The following FNIP2 variants were observed in gnomAD, a reference collection of about 807,000 sequenced individuals.
FNIP2 encodes folliculin-interacting protein 2.
FNIP2 carries 32 observed loss-of-function variants against 108.7 expected under a neutral mutation model. The ratio of observed to expected loss-of-function variants is 0.29; its 90% CI spans 0.22 to 0.40. The LOEUF is 0.40. FNIP2 is among the 10% of genes least tolerant of loss of function. FNIP2 has a pLI of 1.00. For synonymous variants in FNIP2, 480 were observed against 496.7 expected, an observed-to-expected ratio of 0.97 and a Z score of 0.45; for missense variants, 1,202 against 1,381.6, an observed-to-expected ratio of 0.87 and a Z score of 2.06.
intron 15 of FNIP2, among the ~76,000 whole-genome samples, chr4:158,894,517 T>C (rs889146925): frequency 6.6e-6 from 1 of 152,176 alleles, no homozygotes; most frequent in Non-Finnish European, 1.5e-5. Flanking sequence ...ATATATTTCA[T>C]ATAGACCACA....
At chr4:158,806,457 A>G (rs966810277) in intron 1 of FNIP2, 1 of 1,259,024 alleles carries the variant, frequency 7.9e-7, no homozygotes. Flanking sequence ...AGTCTCAGAT[A>G]ATTTTTTATT....
In FNIP2 at chr4:158,870,296, G is replaced by A. The variant is rs929335814; in HGVS notation, c.2793-17G>A. The A allele has an allele frequency of 7.5e-6, 12 of 1,609,524 alleles. 1 individual carries two copies. The South Asian group carries it at 7.7e-5, about 10-fold the overall frequency. On this transcript the variant is annotated splice_polypyrimidine_tract_variant and intron_variant, in intron 13 of 16. Transcript: ENST00000264433. Reference sequence around the variant, plus strand: ...CATTTTTAGCTGTGCATTTTAATGGGCCACATGTTGTTTTAGGTCTCAGAG... The same window carrying A: ...CATTTTTAGCTGTGCATTTTAATGGACCACATGTTGTTTTAGGTCTCAGAG...
intron 6 of FNIP2, 126 bp from the exon 7 acceptor site, chr4:158,835,279 A>G (rs1248236850): frequency 6.2e-6 from 4 of 648,108 alleles, no homozygotes; most frequent in Admixed American, 2.4e-5. Context: ...GTTAATCTCT[A>G]TTAAAAGCTT....
chr4:158,837,391 T>G (rs1462326451), intron 7 of FNIP2, among the ~76,000 whole-genome samples: 1 of 152,198 alleles, frequency 6.6e-6, no homozygotes, highest in East Asian at 1.9e-4. Context: ...ATTTATTTGT[T>G]TATGCCCCTT....
rs1423087940 is a variant in FNIP2, at chr4:158,823,458, G to GT, written c.108-2455dup. Among the ~76,000 whole-genome samples the GT allele has an allele frequency of 1.2e-4, 18 of 152,254 alleles. No individual in the cohort carries two copies. In the East Asian group the frequency reaches 3.3e-3, roughly 28 times the overall value. ...TTTTTGTATTTTTAGTAGAGATGGG[G>GT]TTTCACCGTGTTGGCCATGGTTGGC... On this transcript the variant is annotated intron_variant, in intron 1 of 16. Transcript: ENST00000264433.
chr4:158,899,158 T>C (rs1782970814), intron 16 of FNIP2, among the ~76,000 whole-genome samples: 1 of 152,198 alleles, frequency 6.6e-6, no homozygotes, highest in Non-Finnish European at 1.5e-5. Flanking sequence ...CTTTATTGAT[T>C]TGTGTATGTT....
intron 1 of FNIP2, among the ~76,000 whole-genome samples, chr4:158,802,791 G>T (rs1776805043): frequency 6.6e-6 from 1 of 152,170 alleles, no homozygotes; most frequent in Non-Finnish European, 1.5e-5. Context: ...ATTGTTTAGA[G>T]ATTTTGGCCA....
At chr4:158,796,550 A>T (rs1776597255) in intron 1 of FNIP2, among the ~76,000 whole-genome samples, 1 of 152,160 alleles carries the variant, frequency 6.6e-6, no homozygotes, top group Non-Finnish European at 1.5e-5. Flanking sequence ...ATTATTTGCC[A>T]GGTATCATTG....
intron 7 of FNIP2, 83 bp downstream of exon 7, chr4:158,835,559 A>T: frequency 8.1e-7 from 1 of 1,228,602 alleles, no homozygotes; most frequent in Non-Finnish European, 1.2e-6. Context: ...GAAGACAGGT[A>T]GATAACCCTC....
intron 7 of FNIP2, among the ~76,000 whole-genome samples, chr4:158,843,145 C>T (rs56324913): frequency 6.6e-6 from 1 of 152,024 alleles, no homozygotes; most frequent in Non-Finnish European, 1.5e-5. Context: ...ATGTAATACC[C>T]CCTGCGTCAA....
At position 158,832,158 on chromosome 4, in the gene FNIP2, T is replaced by C. The variant is rs1354071206; in HGVS notation, c.554+20T>C. Reference sequence around the variant, plus strand: ...AAATAAGTAAGTGTAGGATTTTGCATTCCCCACCCCCATTTTTTAAAGTGT... The same window carrying C: ...AAATAAGTAAGTGTAGGATTTTGCACTCCCCACCCCCATTTTTTAAAGTGT... On this transcript the variant is annotated intron_variant, in intron 5 of 16. Transcript: ENST00000264433. The C allele has an allele frequency of 1.3e-6, 2 of 1,589,232 alleles. No homozygotes were observed. Among genetic ancestry groups the C allele is most frequent in the Non-Finnish European group, 1.7e-6 (2 of 1,158,728 alleles).
intron 1 of FNIP2, among the ~76,000 whole-genome samples, chr4:158,824,448 C>T (rs572226739): frequency 1.3e-5 from 2 of 152,294 alleles, no homozygotes; most frequent in African/African-American, 2.4e-5. Flanking sequence ...AGCAAGGCCC[C>T]CTTTCACCTC....
intron 3 of FNIP2, 22 bp downstream of exon 3, chr4:158,829,247 G>A (rs369835873): frequency 5.7e-6 from 9 of 1,577,786 alleles, no homozygotes; most frequent in East Asian, 4.6e-5. Context: ...CCTTCTGTGG[G>A]AATAGCCCCT....
intron 16 of FNIP2, among the ~76,000 whole-genome samples, chr4:158,902,716 C>T (rs1056232434): frequency 2.6e-5 from 4 of 152,244 alleles, no homozygotes; most frequent in Admixed American, 6.5e-5. Flanking sequence ...CAGTCTGGCC[C>T]CAGTGGCCTT....
Position 158,795,792 on chromosome 4 carries a change from C to G in FNIP2, c.107+26473C>G, listed in dbSNP as rs540041267. On this transcript the variant is annotated intron_variant, in intron 1 of 16. Coordinates refer to ENST00000264433, the MANE Select transcript of FNIP2 (RefSeq NM_020840.3). ...GCGGCATTAGATTCTCACAGGAGCA[C>G]GAACCCTATCGTGAACTGCGCATGC... 3.3e-5 allele frequency: 5 copies of G among 152,392 alleles called. No homozygotes were observed. The East Asian group carries it at 7.7e-4, about 23-fold the overall frequency. 9.4% of individuals were successfully genotyped at this position (152,392 alleles called of 1,614,324 possible). A position where few individuals can be genotyped will look rare whatever the true frequency, so the allele number is the denominator to read the frequency against.
chr4:158,894,535 T>C (rs1782514642), intron 15 of FNIP2, among the ~76,000 whole-genome samples: 3 of 152,206 alleles, frequency 2.0e-5, no homozygotes, highest in African/African-American at 7.2e-5. Context: ...ACAGTTCTTA[T>C]TTCCACACTG....
chr4:158,795,691 G>A (rs942413383), intron 1 of FNIP2, among the ~76,000 whole-genome samples: 1 of 152,174 alleles, frequency 6.6e-6, no homozygotes, highest in Admixed American at 6.5e-5. Context: ...GCAAGGGAGC[G>A]AAGCTTCATC....
chr4:158,877,635 G>A (rs556553646), intron 14 of FNIP2, among the ~76,000 whole-genome samples: 7 of 152,334 alleles, frequency 4.6e-5, no homozygotes, highest in African/African-American at 1.4e-4. Context: ...TCAGGTGGTC[G>A]AGATAACTCG....
chr4:158,826,423 T>C (rs1438414370), intron 2 of FNIP2, among the ~76,000 whole-genome samples: 1 of 152,226 alleles, frequency 6.6e-6, no homozygotes, highest in Non-Finnish European at 1.5e-5. Flanking sequence ...AGTGTGAAGA[T>C]CATTCTGTCC....
Sources: allele counts gnomAD v4.1 joint callset (sites outside exome capture counted in the v4.1 genomes callset), GRCh38; gene constraint gnomAD v4.1.1; transcripts MANE v1.5; gene names NCBI Gene and HGNC (gene_info 2026-07-23, HGNC 2026-07-21).